The following ACSBG1 variants were observed in gnomAD, a reference collection of about 807,000 sequenced individuals.
ACSBG1 encodes the protein long-chain-fatty-acid--CoA ligase ACSBG1.
Under a neutral mutation model 80.2 loss-of-function variants are expected in ACSBG1, and 39 were observed. That is an observed-to-expected ratio of 0.49 (90% CI 0.38 to 0.64). The LOEUF is 0.64. Ranked by LOEUF, ACSBG1 falls within the 30% of genes least tolerant of loss-of-function variation. The pLI is 0.00. For synonymous variants in ACSBG1, 392 were observed against 379.5 expected, an observed-to-expected ratio of 1.03 and a Z score of -0.38; for missense variants, 828 against 966.4, an observed-to-expected ratio of 0.86 and a Z score of 1.90.
intron 5 of ACSBG1, among the ~76,000 whole-genome samples, chr15:78,187,257 T>C (rs901919266): frequency 1.3e-5 from 2 of 152,230 alleles, no homozygotes; most frequent in African/African-American, 4.8e-5. Flanking sequence ...AAGGAGGAGC[T>C]GATACCATTC....
intron 3 of ACSBG1, 86 bp from the exon 4 acceptor site, chr15:78,194,106 G>A: frequency 7.4e-7 from 1 of 1,354,936 alleles, no homozygotes; most frequent in South Asian, 1.2e-5. Flanking sequence ...CCAGACTGCA[G>A]GGGACCTGCA....
Position 78,234,227 on chromosome 15 carries a change from G to A in ACSBG1, c.131+144C>T. On this transcript the variant is annotated intron_variant, in intron 1 of 13. Coordinates refer to ENST00000258873, the MANE Select transcript of ACSBG1 (RefSeq NM_015162.5). ...AAATGACCAGTTCTTCCATCTTACG[G>A]ATCGCCCAGATCCTTCCCTTCATTT... 8 of 1,178,030 alleles carry A rather than the reference G, an allele frequency of 6.8e-6. No homozygotes were observed. In the South Asian group the frequency reaches 1.2e-4, roughly 18 times the overall value. The allele number at this position is 1,178,030 out of a possible 1,614,324, so 73.0% of individuals were successfully genotyped here. A position where few individuals can be genotyped will look rare whatever the true frequency, so the allele number is the denominator to read the frequency against.
chr15:78,203,608 G>T (rs939684007), intron 2 of ACSBG1, among the ~76,000 whole-genome samples: 1 of 152,196 alleles, frequency 6.6e-6, no homozygotes, highest in Non-Finnish European at 1.5e-5. Flanking sequence ...GGGGGCCACT[G>T]GGCAGGCAGG....
At chr15:78,185,883 C>T (rs889523598) in intron 5 of ACSBG1, among the ~76,000 whole-genome samples, 43 of 151,876 alleles carry the variant, frequency 2.8e-4, no homozygotes, top group African/African-American at 1.0e-3. Flanking sequence ...AAAAACCCAC[C>T]CTGTGAACCC....
intron 1 of ACSBG1, among the ~76,000 whole-genome samples, chr15:78,215,963 G>C (rs2075309287): frequency 6.6e-6 from 1 of 152,262 alleles, no homozygotes; most frequent in Non-Finnish European, 1.5e-5. Context: ...ACTTTTCAAA[G>C]CTCGCCTTCT....
intron 2 of ACSBG1, among the ~76,000 whole-genome samples, chr15:78,198,004 C>A (rs996999856): frequency 1.4e-4 from 22 of 152,152 alleles, no homozygotes; most frequent in Admixed American, 1.4e-3. Context: ...CCAAGCCAAA[C>A]GTTTTAACTT....
chr15:78,213,119 T>C (rs74024192), intron 1 of ACSBG1, among the ~76,000 whole-genome samples: 10,833 of 152,110 alleles, frequency 0.071, 953 homozygotes, highest in African/African-American at 0.2. Context: ...TAGTTCCCCA[T>C]ATCCTAAAAA....
At chr15:78,208,762 C>T (rs926319093) in intron 1 of ACSBG1, among the ~76,000 whole-genome samples, 1 of 152,116 alleles carries the variant, frequency 6.6e-6, no homozygotes, top group Non-Finnish European at 1.5e-5. Context: ...CTCCCAGGCT[C>T]GGTGACCCTG....
chr15:78,209,013 T>C (rs2075243969), intron 1 of ACSBG1: 1 of 388,722 alleles, frequency 2.6e-6, no homozygotes, highest in African/African-American at 2.1e-5. Context: ...ACTGGAGTTG[T>C]GCAGCATGCA....
At chr15:78,207,917 T>TCCCCCCCCCCACCCCCCCCCCCCACCCCC in intron 2 of ACSBG1, 85 bp downstream of exon 2, 1 of 876,066 alleles carries the variant, frequency 1.1e-6, no homozygotes, top group Non-Finnish European at 1.8e-6. Context: ...TGTGTGGTGG[T>TCCCCCCCCCCACCCCCCCCCCCCACCCCC]CCCCCACACC....
intron 7 of ACSBG1, 110 bp downstream of exon 7, chr15:78,182,356 G>T (rs1012836259): frequency 3.6e-5 from 53 of 1,468,396 alleles, no homozygotes; most frequent in Non-Finnish European, 4.7e-5. Context: ...CCAGCTCCTA[G>T]AGCAGAGGGG....
Position 78,169,988 on chromosome 15 carries a change from C to T in ACSBG1, c.*1456G>A, listed in dbSNP as rs2074800022. On this transcript the variant is annotated 3_prime_UTR_variant, in exon 14 of 14. Transcript: ENST00000258873. ...TGCTATTAATTTTGTATTTCAGCAA[C>T]TGCCCCTTCTCCTATCCCAAAGCAC... 1 of 152,260 alleles carries T rather than the reference C, an allele frequency of 6.6e-6. No homozygotes were observed. Among genetic ancestry groups the T allele is most frequent in the South Asian group, 2.1e-4 (1 of 4,834 alleles). The allele number at this position is 152,260 out of a possible 1,614,324, so 9.4% of individuals were successfully genotyped here.
chr15:78,189,046 T>A (rs1288612717), intron 5 of ACSBG1, among the ~76,000 whole-genome samples: 2 of 151,928 alleles, frequency 1.3e-5, no homozygotes, highest in South Asian at 2.1e-4. Flanking sequence ...AAGACATCTA[T>A]GCAGCCAAAA....
intron 1 of ACSBG1, chr15:78,212,651 C>A (rs1396386400): frequency 2.2e-6 from 1 of 453,924 alleles, no homozygotes; most frequent in Non-Finnish European, 4.4e-6. Context: ...AGAGCCAGAA[C>A]CTCAGAGAAC....
rs8031582 is a variant in ACSBG1, at chr15:78,229,871, G to A, written c.131+4500C>T. Among the ~76,000 whole-genome samples the A allele has an allele frequency of 6.1e-3, 934 of 152,224 alleles. 9 individuals are homozygous for A. Among genetic ancestry groups the A allele is most frequent in the Middle Eastern group, 0.027 (8 of 294 alleles). On this transcript the variant is annotated intron_variant, in intron 1 of 13. Coordinates refer to ENST00000258873, the MANE Select transcript of ACSBG1 (RefSeq NM_015162.5). Reference sequence around the variant, plus strand: ...GCCTGGCTGCCCTTAGTCTGGCCACGTCAGCCTCTCTAGGCCCAGGAGTTA... The same window carrying A: ...GCCTGGCTGCCCTTAGTCTGGCCACATCAGCCTCTCTAGGCCCAGGAGTTA...
Position 78,182,012 on chromosome 15 carries a change from T to C in ACSBG1, c.1028A>G (p.Gln343Arg). 6.2e-7 allele frequency: 1 copy of C among 1,614,108 alleles called. No homozygotes were observed. The highest frequency in any genetic ancestry group is 8.5e-7 in the Non-Finnish European group (1 of 1,180,018). The change falls in exon 8 of 14, where the codon CAG becomes CGG. Residue 343 changes from glutamine (Q) to arginine (R), a missense_variant. Transcript: ENST00000258873. ...GGCAAAGCAAACCTGGGCCCCCCAC[T>C]GGATGCCTGTCCACAGGTCGTAGAT... is the stretch of plus-strand genomic sequence containing the variant. Reference protein sequence around the residue: ...AQIYDLWTGIQWGAQVCFAEP... With the variant: ...AQIYDLWTGIRWGAQVCFAEP...
intron 5 of ACSBG1, among the ~76,000 whole-genome samples, chr15:78,183,162 G>A (rs75280228): frequency 1.7e-4 from 26 of 152,194 alleles, no homozygotes; most frequent in African/African-American, 6.3e-4. Context: ...GAGAGTGAGT[G>A]GTTTCTAGGA....
chr15:78,175,062 A>G (rs1243932276), intron 11 of ACSBG1, among the ~76,000 whole-genome samples: 2 of 152,210 alleles, frequency 1.3e-5, no homozygotes, highest in Non-Finnish European at 2.9e-5. Context: ...AAGGTTTTAA[A>G]TCCAGTCCAT....
At chr15:78,197,828 T>C (rs926578901) in intron 2 of ACSBG1, among the ~76,000 whole-genome samples, 4 of 150,736 alleles carry the variant, frequency 2.7e-5, no homozygotes, top group Non-Finnish European at 1.5e-5. Flanking sequence ...TCCAGTTGCC[T>C]CTCAGTGGTT....
Sources: gnomAD v4.1 joint callset for allele counts (sites outside exome capture counted in the v4.1 genomes callset) on GRCh38, gnomAD v4.1.1 for gene constraint, MANE v1.5 for transcripts, NCBI Gene and HGNC (gene_info 2026-07-23, HGNC 2026-07-21) for gene names.